ATF6: variants seen among roughly 807,000 people sequenced by gnomAD.
ATF6 encodes cyclic AMP-dependent transcription factor ATF-6 alpha.
Under a neutral mutation model 83.6 loss-of-function variants are expected in ATF6, and 53 were observed. That is an observed-to-expected ratio of 0.63 (90% CI 0.51 to 0.80). ATF6 has a LOEUF of 0.80. ATF6 is among the 30% of genes least tolerant of loss of function. The probability of loss-of-function intolerance (pLI) is 0.00; values close to 1 mark genes in which losing one functional copy is unlikely to be tolerated. For missense variants in ATF6, 744 were observed against 797.9 expected, an observed-to-expected ratio of 0.93 and a Z score of 0.81; for synonymous variants, 288 against 285.8, an observed-to-expected ratio of 1.01 and a Z score of -0.08.
In ATF6 at chr1:161,791,488, G is replaced by A. The variant is rs570613028; in HGVS notation, c.435G>A (p.Ala145=). 1.7e-5 allele frequency: 27 copies of A among 1,612,488 alleles called. No homozygotes were observed. The African/African-American group carries it at 1.7e-4, about 10-fold the overall frequency. ...YGENSNSLSS[A]EPLKEDKPVT... ...AAAACTCTAATAGTCTCTCTTCAGC[G>A]GAGCCACTGAAGGAAGATAAGCCTG... The change falls in exon 5 of 16, where the codon GCG becomes GCA. Residue 145 remains alanine (A), a synonymous_variant. Coordinates refer to ENST00000367942, the MANE Select transcript of ATF6 (RefSeq NM_007348.4).
chr1:161,817,915 G>A (rs1685651348), intron 7 of ATF6, among the ~76,000 whole-genome samples: 1 of 151,998 alleles, frequency 6.6e-6, no homozygotes, highest in African/African-American at 2.4e-5. Flanking sequence ...GGCTAACACG[G>A]TGAAACCCTG....
chr1:161,898,549 G>T (rs565538207), intron 14 of ATF6, among the ~76,000 whole-genome samples: 10 of 150,788 alleles, frequency 6.6e-5, no homozygotes, highest in African/African-American at 2.4e-4. Context: ...TTTTGTTTTT[G>T]TTTTTGTTTT....
At chr1:161,870,055 T>C (rs1225459386) in intron 14 of ATF6, among the ~76,000 whole-genome samples, 1 of 151,786 alleles carries the variant, frequency 6.6e-6, no homozygotes, top group Non-Finnish European at 1.5e-5. Flanking sequence ...GTTGTGCTTT[T>C]TTCTTTATAT....
chr1:161,786,604 A>G (rs1279867591), intron 4 of ATF6, among the ~76,000 whole-genome samples: 1 of 152,082 alleles, frequency 6.6e-6, no homozygotes, highest in African/African-American at 2.4e-5. Flanking sequence ...TGTTTGGAAC[A>G]ATCTCAAATT....
At chr1:161,957,499 A>T (rs1371428332) in intron 15 of ATF6, among the ~76,000 whole-genome samples, 1 of 152,186 alleles carries the variant, frequency 6.6e-6, no homozygotes, top group Non-Finnish European at 1.5e-5. Flanking sequence ...TCTAAGTTTC[A>T]TTGACTACAA....
chr1:161,883,707 A>G (rs1362477461), intron 14 of ATF6, among the ~76,000 whole-genome samples: 2 of 152,030 alleles, frequency 1.3e-5, no homozygotes, highest in East Asian at 3.8e-4. Context: ...CATATATAAA[A>G]TCATATAGAT....
At chr1:161,843,733 G>T (rs1384358371) in intron 9 of ATF6, among the ~76,000 whole-genome samples, 1 of 152,100 alleles carries the variant, frequency 6.6e-6, no homozygotes, top group African/African-American at 2.4e-5. Context: ...GACCTAGGTG[G>T]TATTTCAGTT....
chr1:161,921,610 A>G (rs949064096), intron 15 of ATF6, among the ~76,000 whole-genome samples: 4 of 152,210 alleles, frequency 2.6e-5, no homozygotes, highest in Admixed American at 6.5e-5. Flanking sequence ...CTGAGAGACT[A>G]GTACTGCCAT....
chr1:161,830,234 C>T (rs1686018636), intron 9 of ATF6, among the ~76,000 whole-genome samples: 1 of 152,176 alleles, frequency 6.6e-6, no homozygotes, highest in Admixed American at 6.5e-5. Context: ...AGGAATCCAA[C>T]TTAAAGGGAT....
At chr1:161,795,031 A>T (rs1462842124) in intron 6 of ATF6, among the ~76,000 whole-genome samples, 1 of 152,172 alleles carries the variant, frequency 6.6e-6, no homozygotes, top group East Asian at 1.9e-4. Context: ...AGACAGAGGT[A>T]AAATATGTTG....
chr1:161,954,916 A>G (rs1036299201), intron 15 of ATF6, among the ~76,000 whole-genome samples: 1 of 152,182 alleles, frequency 6.6e-6, no homozygotes, highest in African/African-American at 2.4e-5. Context: ...CAGTGCCCAA[A>G]TGTGTGCTGA....
At chr1:161,945,994 T>G (rs1426822617) in intron 15 of ATF6, among the ~76,000 whole-genome samples, 2 of 152,026 alleles carry the variant, frequency 1.3e-5, no homozygotes, top group Non-Finnish European at 2.9e-5. Context: ...ACAGAGTCTG[T>G]TTTTGTTTTG....
At chr1:161,943,057 T>G (rs1396058471) in intron 15 of ATF6, among the ~76,000 whole-genome samples, 1 of 152,214 alleles carries the variant, frequency 6.6e-6, no homozygotes, top group African/African-American at 2.4e-5. Flanking sequence ...GGTTTCACCA[T>G]GTTGGCCATG....
intron 6 of ATF6, among the ~76,000 whole-genome samples, chr1:161,795,348 C>A (rs1248555998): frequency 6.6e-6 from 1 of 152,114 alleles, no homozygotes; most frequent in Non-Finnish European, 1.5e-5. Context: ...GCCAGACACT[C>A]TTCTAAGTGC....
intron 15 of ATF6, among the ~76,000 whole-genome samples, chr1:161,915,380 A>G (rs189042392): frequency 1.7e-4 from 26 of 152,328 alleles, no homozygotes; most frequent in Admixed American, 1.6e-3. Context: ...GTGAGAATGA[A>G]ATGAGTAAAA....
intron 9 of ATF6, among the ~76,000 whole-genome samples, chr1:161,824,254 C>T (rs998711060): frequency 2.6e-5 from 4 of 152,010 alleles, no homozygotes; most frequent in Admixed American, 6.6e-5. Context: ...ACTTTCATTC[C>T]CACTGCCGGC....
chr1:161,823,010 C>T (rs1685802494), intron 9 of ATF6, among the ~76,000 whole-genome samples: 1 of 151,976 alleles, frequency 6.6e-6, no homozygotes, highest in African/African-American at 2.4e-5. Flanking sequence ...TCTTTTAATA[C>T]TACATAGTTT....
intron 1 of ATF6, among the ~76,000 whole-genome samples, chr1:161,772,218 A>T (rs538040584): frequency 1.3e-5 from 2 of 151,964 alleles, no homozygotes; most frequent in Non-Finnish European, 2.9e-5. Context: ...TTTCATATTC[A>T]TGTCTGTCTC....
At chr1:161,783,741 C>CAT in intron 3 of ATF6, among the ~76,000 whole-genome samples, 1 of 151,796 alleles carries the variant, frequency 6.6e-6, no homozygotes, top group South Asian at 2.1e-4. Flanking sequence ...CAAGTGTACA[C>CAT]ATATATATAC....
Sources: gnomAD v4.1 joint callset for allele counts (sites outside exome capture counted in the v4.1 genomes callset) on GRCh38, gnomAD v4.1.1 for gene constraint, MANE v1.5 for transcripts, NCBI Gene and HGNC (gene_info 2026-07-23, HGNC 2026-07-21) for gene names.